The following BCL2 variants were observed in gnomAD, a reference collection of about 807,000 sequenced individuals.
BCL2 encodes the protein BCL2 apoptosis regulator.
BCL2 carries 1 observed loss-of-function variant against 14.2 expected under a neutral mutation model. The ratio of observed to expected loss-of-function variants is 0.07; its 90% CI spans 0.02 to 0.33. The LOEUF (loss-of-function observed/expected upper bound fraction) is 0.33. Among genes scored for constraint, BCL2 ranks in the 10% least tolerant of loss-of-function variants. The probability of loss-of-function intolerance (pLI) is 0.99; values close to 1 mark genes in which losing one functional copy is unlikely to be tolerated. For missense variants in BCL2, 247 were observed against 305.9 expected (o/e 0.81, Z 1.44); for synonymous variants, 151 against 137.2 (o/e 1.10, Z -0.70).
chr18:63,277,887 C>T lies in BCL2; in HGVS notation c.585+40195G>A, dbSNP rs538922473. On this transcript the variant is annotated intron_variant, in intron 2 of 2. Coordinates refer to ENST00000333681, the MANE Select transcript of BCL2 (RefSeq NM_000633.3). The stretch of plus-strand genomic sequence containing the variant: ...TGAGATACACTCTAACGTGGGGACA[C>T]GCCACAGTCCTCAGTGGCCCCTGCC... Among the ~76,000 whole-genome samples the T allele has an allele frequency of 6.6e-5, 10 of 152,294 alleles. No individual in the cohort carries two copies. The East Asian group carries it at 1.5e-3, about 24-fold the overall frequency.
At chr18:63,256,108 C>T (rs1181153799) in intron 2 of BCL2, among the ~76,000 whole-genome samples, 2 of 152,024 alleles carry the variant, frequency 1.3e-5, no homozygotes, top group African/African-American at 4.8e-5. Context: ...TTAGTTTAGT[C>T]AGAGAAGATT....
At chr18:63,206,125 G>A (rs763308737) in intron 2 of BCL2, among the ~76,000 whole-genome samples, 4 of 152,128 alleles carry the variant, frequency 2.6e-5, no homozygotes, top group Non-Finnish European at 4.4e-5. Context: ...CCCCCTTCAC[G>A]GTGGTGTCCA....
chr18:63,153,961 C>G (rs1914713810), intron 2 of BCL2, among the ~76,000 whole-genome samples: 1 of 152,120 alleles, frequency 6.6e-6, no homozygotes, highest in African/African-American at 2.4e-5. Flanking sequence ...AAGCTATAAC[C>G]CTATTGTGAA....
intron 2 of BCL2, among the ~76,000 whole-genome samples, chr18:63,275,945 G>A (rs1912138923): frequency 6.6e-6 from 1 of 152,252 alleles, no homozygotes; most frequent in Non-Finnish European, 1.5e-5. Context: ...AAATGAGCTG[G>A]GAGTGTGTGT....
chr18:63,155,557 C>G (rs1914757139), intron 2 of BCL2, among the ~76,000 whole-genome samples: 1 of 152,042 alleles, frequency 6.6e-6, no homozygotes, highest in South Asian at 2.1e-4. Context: ...AAAGAGACTG[C>G]CGTTGTTGCC....
At chr18:63,302,264 G>A (rs1396075897) in intron 2 of BCL2, 51 of 881,730 alleles carry the variant, frequency 5.8e-5, no homozygotes, top group Non-Finnish European at 6.9e-5. Flanking sequence ...CTGCACCACT[G>A]CACTCCAGCC....
chr18:63,233,869 TACA>T (rs1910751654), intron 2 of BCL2, among the ~76,000 whole-genome samples: 1 of 152,148 alleles, frequency 6.6e-6, no homozygotes, highest in South Asian at 2.1e-4. Flanking sequence ...AGGCTTAAAC[TACA>T]ACATTTTCTG....
chr18:63,287,344 A>T (rs2551397), intron 2 of BCL2, among the ~76,000 whole-genome samples: 98,013 of 152,094 alleles, frequency 0.64, 34,705 homozygotes, highest in East Asian at 0.85. Context: ...CTCAACAGAG[A>T]TGTTTTAGGA....
chr18:63,201,120 G>A (rs1330698265), intron 2 of BCL2, among the ~76,000 whole-genome samples: 1 of 152,208 alleles, frequency 6.6e-6, no homozygotes, highest in Admixed American at 6.5e-5. Context: ...TGCTCCTGCT[G>A]CTACGCTGAT....
intron 2 of BCL2, among the ~76,000 whole-genome samples, chr18:63,130,771 T>C (rs1914044193): frequency 6.6e-6 from 1 of 152,228 alleles, no homozygotes; most frequent in African/African-American, 2.4e-5. Context: ...TAAATTCTTG[T>C]CTATTTGTTC....
chr18:63,284,840 C>T (rs950306708), intron 2 of BCL2, among the ~76,000 whole-genome samples: 4 of 152,028 alleles, frequency 2.6e-5, no homozygotes, highest in African/African-American at 9.7e-5. Flanking sequence ...TCAAAATCCT[C>T]CTCCCGCTGG....
intron 2 of BCL2, among the ~76,000 whole-genome samples, chr18:63,268,290 A>G (rs915507252): frequency 1.3e-5 from 2 of 152,220 alleles, no homozygotes; most frequent in African/African-American, 4.8e-5. Context: ...CAGCAAAACC[A>G]ACCCCCAGTT....
rs541905026 is a variant in BCL2, at chr18:63,125,194, A to T, written c.*3431T>A. ...ATAAGCATTTACTAATAAAACAAAGATCACATATAAATGGAAGGCCACATC... is the reference window on the plus strand; with the variant it reads ...ATAAGCATTTACTAATAAAACAAAGTTCACATATAAATGGAAGGCCACATC... On this transcript the variant is annotated 3_prime_UTR_variant, in exon 3 of 3. Transcript: ENST00000333681. 1.8e-5 allele frequency: 4 copies of T among 223,848 alleles called. No homozygotes were observed. Among genetic ancestry groups the T allele is most frequent in the Non-Finnish European group, 3.6e-5 (4 of 112,140 alleles). The allele number at this position is 223,848 out of a possible 1,614,324, so 13.9% of individuals were successfully genotyped here.
intron 2 of BCL2, among the ~76,000 whole-genome samples, chr18:63,248,410 T>G (rs17758403): frequency 0.022 from 3,367 of 152,340 alleles, 116 homozygotes; most frequent in Admixed American, 0.09. Flanking sequence ...TTTTTAGACT[T>G]CTCGCCTTAG....
Position 63,145,530 on chromosome 18 carries a change from A to C in BCL2, c.586-16771T>G, listed in dbSNP as rs192398882. On this transcript the variant is annotated intron_variant, in intron 2 of 2. Coordinates refer to ENST00000333681, the MANE Select transcript of BCL2 (RefSeq NM_000633.3). Reference sequence around the variant, plus strand: ...GCTTTTCTCTACTCACATTTAAAAAATCTTCATAATTTAACAAAGGCAGAT... The same window carrying C: ...GCTTTTCTCTACTCACATTTAAAAACTCTTCATAATTTAACAAAGGCAGAT... Among the ~76,000 whole-genome samples, 182 of 152,360 alleles carry C rather than the reference A, an allele frequency of 1.2e-3. 1 individual carries two copies. The highest frequency in any genetic ancestry group is 3.1e-4 in the Non-Finnish European group (21 of 68,036).
chr18:63,167,543 G>GC (rs984700624), intron 2 of BCL2, among the ~76,000 whole-genome samples: 16 of 152,122 alleles, frequency 1.1e-4, no homozygotes, highest in African/African-American at 3.9e-4. Flanking sequence ...GCTTTGGGAG[G>GC]CCGAGGCAGG....
chr18:63,308,993 G>A (rs1913225159), intron 2 of BCL2, among the ~76,000 whole-genome samples: 2 of 152,178 alleles, frequency 1.3e-5, no homozygotes, highest in African/African-American at 4.8e-5. Flanking sequence ...GTAAGACCTA[G>A]AGTCACACAT....
rs146597977 is a variant in BCL2 at position 63,246,754 on chromosome 18, G to C, written c.585+71328C>G. ...TTTTTCGGTTTTACTTATTGCCCAT[G>C]TGGCACCATGAGAATTGTGTCCCTT... On this transcript the variant is annotated intron_variant, in intron 2 of 2. Transcript: ENST00000333681. 2.2e-3 allele frequency among the ~76,000 whole-genome samples: 336 copies of C among 152,284 alleles called. 1 individual carries two copies. Among genetic ancestry groups the C allele is most frequent in the African/African-American group, 7.4e-3 (307 of 41,552 alleles).
intron 2 of BCL2, among the ~76,000 whole-genome samples, chr18:63,259,123 G>A (rs1311731946): frequency 1.3e-5 from 2 of 152,184 alleles, no homozygotes; most frequent in Non-Finnish European, 2.9e-5. Flanking sequence ...TTCCCTGGCC[G>A]TCAGAAGTCC....
Sources: allele counts gnomAD v4.1 joint callset (sites outside exome capture counted in the v4.1 genomes callset), GRCh38; gene constraint gnomAD v4.1.1; transcripts MANE v1.5; gene names NCBI Gene and HGNC (gene_info 2026-07-23, HGNC 2026-07-21).